The following PCDH7 variants were observed in gnomAD, a reference collection of about 807,000 sequenced individuals.
The protein encoded by PCDH7 is protocadherin-7.
In PCDH7, 17 loss-of-function variants were observed where a neutral mutation model predicts 58.9. The ratio of observed to expected loss-of-function variants is 0.29; its 90% CI spans 0.20 to 0.43. The LOEUF is 0.43. PCDH7 is among the 20% of genes least tolerant of loss of function. The pLI is 1.00. For missense variants in PCDH7, 1,274 were observed against 1,441.0 expected (o/e 0.88, Z 1.88); for synonymous variants, 664 against 616.4 (o/e 1.08, Z -1.14).
chr4:30,727,097 G>A (rs1234968707), intron 1 of PCDH7, among the ~76,000 whole-genome samples: 1 of 151,846 alleles, frequency 6.6e-6, no homozygotes, highest in African/African-American at 2.4e-5. Flanking sequence ...TTTATCTAAG[G>A]TAAAACTAGA....
intron 1 of PCDH7, among the ~76,000 whole-genome samples, chr4:30,741,860 A>T (rs1717127976): frequency 6.6e-6 from 1 of 152,252 alleles, no homozygotes; most frequent in Non-Finnish European, 1.5e-5. Flanking sequence ...ATAAACGTCA[A>T]TGAAAATATT....
intron 1 of PCDH7, among the ~76,000 whole-genome samples, chr4:30,894,558 C>T (rs981664588): frequency 2.5e-4 from 24 of 96,322 alleles, no homozygotes; most frequent in African/African-American, 8.8e-4. Context: ...CACACACACA[C>T]ATATATACAT....
intron 1 of PCDH7, among the ~76,000 whole-genome samples, chr4:30,837,583 T>C (rs923242307): frequency 2.6e-5 from 4 of 151,372 alleles, no homozygotes; most frequent in Non-Finnish European, 5.9e-5. Context: ...GAGGGGAGTA[T>C]GTAGAGTGTT....
At chr4:30,990,303 T>C (rs1751363550) in intron 3 of PCDH7, among the ~76,000 whole-genome samples, 1 of 152,022 alleles carries the variant, frequency 6.6e-6, no homozygotes, top group African/African-American at 2.4e-5. Flanking sequence ...ACAGACTATA[T>C]AGACACACAC....
chr4:31,043,244 T>C (rs536720087), intron 3 of PCDH7, among the ~76,000 whole-genome samples: 1 of 152,272 alleles, frequency 6.6e-6, no homozygotes, highest in East Asian at 1.9e-4. Context: ...TCAATGAACA[T>C]ATGCGTGCAT....
intron 3 of PCDH7, among the ~76,000 whole-genome samples, chr4:31,125,231 G>A (rs1718161842): frequency 6.6e-6 from 1 of 152,160 alleles, no homozygotes; most frequent in South Asian, 2.1e-4. Context: ...GGAAAAACAG[G>A]TTGGACACCA....
rs534853775 is a variant in PCDH7 at position 31,101,793 on chromosome 4, G to A, written c.*8-40680G>A. On this transcript the variant is annotated intron_variant, in intron 3 of 3. Transcript: ENST00000509759. ...AGTTTTTATAAATGCAAGGCACTGC[G>A]AAGCATATTGAGTGATTTACAGATA... Among the ~76,000 whole-genome samples, 60 of 152,268 alleles carry A rather than the reference G, an allele frequency of 3.9e-4. 1 individual carries two copies. The highest frequency in any genetic ancestry group is 3.4e-3 in the Middle Eastern group (1 of 294).
intron 3 of PCDH7, among the ~76,000 whole-genome samples, chr4:30,964,970 G>A (rs1560539009): frequency 6.6e-6 from 1 of 152,052 alleles, no homozygotes; most frequent in Non-Finnish European, 1.5e-5. Flanking sequence ...GAGTGCTTAC[G>A]CTTTAATTCA....
intron 3 of PCDH7, among the ~76,000 whole-genome samples, chr4:31,078,061 A>G (rs539270110): frequency 1.3e-5 from 2 of 152,270 alleles, no homozygotes; most frequent in Admixed American, 1.3e-4. Flanking sequence ...CTATCTAACA[A>G]GGGTCAATTG....
At chr4:31,073,938 C>T (rs960533192) in intron 3 of PCDH7, among the ~76,000 whole-genome samples, 1 of 152,006 alleles carries the variant, frequency 6.6e-6, no homozygotes, top group East Asian at 1.9e-4. Context: ...ATTATTCTCT[C>T]CTGGGCTTTG....
chr4:31,135,697 TAA>T (rs1267140162), intron 3 of PCDH7, among the ~76,000 whole-genome samples: 1 of 152,188 alleles, frequency 6.6e-6, no homozygotes, highest in African/African-American at 2.4e-5. Flanking sequence ...TTTAAAAATC[TAA>T]AAGTCTAAGG....
intron 3 of PCDH7, among the ~76,000 whole-genome samples, chr4:31,016,347 TATG>T (rs1753596944): frequency 6.6e-6 from 1 of 152,078 alleles, no homozygotes; most frequent in Non-Finnish European, 1.5e-5. Flanking sequence ...TTTAGAAGCA[TATG>T]ACTTACTACA....
intron 1 of PCDH7, among the ~76,000 whole-genome samples, chr4:30,892,069 T>A (rs1181425670): frequency 3.9e-5 from 6 of 152,102 alleles, no homozygotes; most frequent in African/African-American, 1.4e-4. Flanking sequence ...TTTCTGTTTA[T>A]GTTGCTTGAT....
exon 2 of PCDH7, chr4:30,731,205 A>G: frequency 2.1e-6 from 2 of 934,818 alleles, no homozygotes; most frequent in Non-Finnish European, 2.6e-6. Context: ...ATAAAAATCT[A>G]AATTGATCAA....
At chr4:30,896,110 A>G (rs1229410881) in intron 1 of PCDH7, among the ~76,000 whole-genome samples, 1 of 152,132 alleles carries the variant, frequency 6.6e-6, no homozygotes, top group East Asian at 1.9e-4. Context: ...ACATATTCTA[A>G]TGGCATTTTT....
At chr4:30,897,561 T>A (rs1396207939) in intron 1 of PCDH7, among the ~76,000 whole-genome samples, 1 of 152,200 alleles carries the variant, frequency 6.6e-6, no homozygotes, top group Non-Finnish European at 1.5e-5. Context: ...GGTATTTGAT[T>A]TAGATATTAG....
intron 1 of PCDH7, among the ~76,000 whole-genome samples, chr4:30,843,804 C>G (rs1043760996): frequency 1.3e-5 from 2 of 152,060 alleles, no homozygotes; most frequent in African/African-American, 4.8e-5. Context: ...TTTACATGGA[C>G]TGCACTTTCT....
intron 1 of PCDH7, among the ~76,000 whole-genome samples, chr4:30,791,164 T>C (rs909660618): frequency 3.3e-5 from 5 of 152,044 alleles, no homozygotes; most frequent in African/African-American, 1.2e-4. Context: ...CACAGCCTAA[T>C]GGGGTCACAG....
At chr4:30,772,638 TCTG>T (rs1721561893) in intron 1 of PCDH7, among the ~76,000 whole-genome samples, 1 of 152,184 alleles carries the variant, frequency 6.6e-6, no homozygotes, top group African/African-American at 2.4e-5. Context: ...GAATATGCCT[TCTG>T]AAGGACTGTG....
Sources: allele counts gnomAD v4.1 joint callset (sites outside exome capture counted in the v4.1 genomes callset), GRCh38; gene constraint gnomAD v4.1.1; transcripts MANE v1.5; gene names NCBI Gene and HGNC (gene_info 2026-07-23, HGNC 2026-07-21).